The following PPIB variants were observed in gnomAD, a reference collection of about 807,000 sequenced individuals.
PPIB encodes the protein peptidylprolyl isomerase B.
In PPIB, 15 loss-of-function variants were observed where a neutral mutation model predicts 20.1. The ratio of observed to expected loss-of-function variants is 0.75; its 90% confidence interval spans 0.50 to 1.15. The LOEUF is 1.15. Ranked by LOEUF, PPIB falls within the 50% of genes most tolerant of loss-of-function variation. The probability of loss-of-function intolerance (pLI) is 0.00; values close to 1 mark genes in which losing one functional copy is unlikely to be tolerated. For missense variants in PPIB, 278 were observed against 283.0 expected, an observed-to-expected ratio of 0.98 and a Z score of 0.13; for synonymous variants, 129 against 111.0, an observed-to-expected ratio of 1.16 and a Z score of -1.02.
Position 64,162,137 on chromosome 15 carries a change from T to A in PPIB, c.153A>T (p.Arg51=), listed in dbSNP as rs751764020. 3.7e-5 allele frequency: 59 copies of A among 1,613,446 alleles called. No individual in the cohort carries two copies. Among genetic ancestry groups the A allele is most frequent in the Non-Finnish European group, 3.5e-5 (41 of 1,179,508 alleles). The change falls in exon 2 of 5, where the codon CGA becomes CGT. Residue 51 remains arginine (R), a synonymous_variant. Transcript: ENST00000300026. The stretch of plus-strand genomic sequence containing the variant: ...CCCGGCCTACATCTTCATCTCCAAT[T>A]CGTAGGTCAAAATACACCTGAGGAA... ...KVTVKVYFDL[R]IGDEDVGRVI...
rs924183883 is a variant in PPIB at position 64,155,923 on chromosome 15, C to T, written c.*100G>A. On this transcript the variant is annotated 3_prime_UTR_variant, in exon 5 of 5. Coordinates refer to ENST00000300026, the MANE Select transcript of PPIB (RefSeq NM_000942.5). ...GTGGAATGTGAGGGGAGTGGGTCCG[C>T]TCCACCAGATGCCAGCACCGGGGCC... The T allele has an allele frequency of 1.5e-5, 24 of 1,584,808 alleles. No homozygotes were observed. In the Admixed American group the frequency reaches 2.7e-4, roughly 18 times the overall value.
In PPIB at chr15:64,156,072, TC is replaced by T; in HGVS notation, c.601del (p.Asp201ThrfsTer73). 1 of 1,614,228 alleles carries T rather than the reference TC, an allele frequency of 6.2e-7. No homozygotes were observed. The highest frequency in any genetic ancestry group is 8.5e-7 in the Non-Finnish European group (1 of 1,180,040). ...CTTCTCCACCTCGATCTTGCCGCAG[TC>T]TGCGATGATCACATCCTTCAGGGGT... is the stretch of plus-strand genomic sequence containing the variant. ...DKPLKDVIIA[D>X]CGKIEVEKPF... On this transcript the variant is annotated frameshift_variant, in exon 5 of 5. Transcript: ENST00000300026. LOFTEE classifies it high-confidence loss of function. The surrounding 1 kb of genome is among the most constrained non-coding windows in gnomAD (Gnocchi z 6.4).
chr15:64,158,251 G>A lies in PPIB; in HGVS notation c.344-1342C>T, dbSNP rs562235278. 7.9e-5 allele frequency among the ~76,000 whole-genome samples: 12 copies of A among 152,136 alleles called. No individual in the cohort carries two copies. The East Asian group carries it at 1.4e-3, about 17-fold the overall frequency. On this transcript the variant is annotated intron_variant, in intron 3 of 4. Coordinates refer to ENST00000300026, the MANE Select transcript of PPIB (RefSeq NM_000942.5). The surrounding 1 kb of genome is among the most constrained non-coding windows in gnomAD (Gnocchi z 4.7). ...CTTTCTTTCCATTCCCACCACCACC[G>A]CTGCAGTAGGCGAGTGCTTAGGGTG... is the stretch of plus-strand genomic sequence containing the variant.
Position 64,161,947 on chromosome 15 carries a change from TACA to T in PPIB, c.249+91_249+93del. ...AGTCGGTGCTCAGTGAGGTCCACGC[TACA>T]GATCGGCTGAACTCTGCAGGTCAGT... On this transcript the variant is annotated intron_variant, in intron 2 of 4. Coordinates refer to ENST00000300026, the MANE Select transcript of PPIB (RefSeq NM_000942.5). This position sits in a 1 kb window ranked among gnomAD's most constrained non-coding sequence, Gnocchi z 4.2. The T allele has an allele frequency of 2.2e-6, 2 of 905,366 alleles. No homozygotes were observed. Among genetic ancestry groups the T allele is most frequent in the South Asian group, 2.6e-5 (2 of 76,564 alleles). The allele number at this position is 905,366 out of a possible 1,614,324, so 56.1% of individuals were successfully genotyped here.
rs2081531084 is a variant in PPIB at position 64,156,315 on chromosome 15, G to A, written c.529-170C>T. The A allele has an allele frequency of 1.1e-6, 1 of 912,058 alleles. No individual in the cohort carries two copies. Among genetic ancestry groups the A allele is most frequent in the Non-Finnish European group, 1.7e-6 (1 of 581,358 alleles). The allele number at this position is 912,058 out of a possible 1,614,324, so 56.5% of individuals were successfully genotyped here. Reference sequence around the variant, plus strand: ...GACTCCTGGCCAGAGCAGGGAGAATGCAGATTTGACGAGGGGGTACAGGAA... The same window carrying A: ...GACTCCTGGCCAGAGCAGGGAGAATACAGATTTGACGAGGGGGTACAGGAA... On this transcript the variant is annotated intron_variant, in intron 4 of 4. Coordinates refer to ENST00000300026, the MANE Select transcript of PPIB (RefSeq NM_000942.5). This position sits in a 1 kb window ranked among gnomAD's most constrained non-coding sequence, Gnocchi z 6.4.
At position 64,161,905 on chromosome 15, in the gene PPIB, T is replaced by C; in HGVS notation, c.249+136A>G. The C allele has an allele frequency of 1.3e-6, 1 of 771,058 alleles. No individual in the cohort carries two copies. The highest frequency in any genetic ancestry group is 2.4e-6 in the Non-Finnish European group (1 of 421,400). 47.8% of individuals were successfully genotyped at this position (771,058 alleles called of 1,614,324 possible). A position where few individuals can be genotyped will look rare whatever the true frequency, so the allele number is the denominator to read the frequency against. ...ACTCTTAAGAAAGGGCAATACTGTGTTCCCAGGGCAACAGGCAGTCGGTGC... is the reference window on the plus strand; with the variant it reads ...ACTCTTAAGAAAGGGCAATACTGTGCTCCCAGGGCAACAGGCAGTCGGTGC... On this transcript the variant is annotated intron_variant, in intron 2 of 4. Transcript: ENST00000300026. This position sits in a 1 kb window ranked among gnomAD's most constrained non-coding sequence, Gnocchi z 4.2.
In PPIB at chr15:64,157,927, T is replaced by A. The variant is rs1049699653; in HGVS notation, c.344-1018A>T. 2.0e-5 allele frequency among the ~76,000 whole-genome samples: 3 copies of A among 152,094 alleles called. No individual in the cohort carries two copies. The highest frequency in any genetic ancestry group is 6.5e-5 in the Admixed American group (1 of 15,278). ...TGTGCTCCACCTCTCACCCCCACGCTGGGGAGACTGGACTCTGCCACATGT... is the reference window on the plus strand; with the variant it reads ...TGTGCTCCACCTCTCACCCCCACGCAGGGGAGACTGGACTCTGCCACATGT... On this transcript the variant is annotated intron_variant, in intron 3 of 4. Coordinates refer to ENST00000300026, the MANE Select transcript of PPIB (RefSeq NM_000942.5). The surrounding 1 kb of genome is among the most constrained non-coding windows in gnomAD (Gnocchi z 4.2).
chr15:64,162,151 A>G lies in PPIB; in HGVS notation c.139T>C (p.Tyr47His), dbSNP rs373715158. The G allele has an allele frequency of 3.7e-6, 6 of 1,610,098 alleles. No homozygotes were observed. In the Admixed American group the frequency reaches 1.0e-4, roughly 27 times the overall value. The stretch of plus-strand genomic sequence containing the variant: ...TCATCTCCAATTCGTAGGTCAAAAT[A>G]CACCTGAGGAAAGAGACCATTTCCA... ...KKGPKVTVKVYFDLRIGDEDV... is the reference protein window; with the variant it reads ...KKGPKVTVKVHFDLRIGDEDV... Residue 47 changes from tyrosine to histidine, a missense_variant, in exon 2 of 5, where the codon TAT (tyrosine) becomes CAT (histidine). Coordinates refer to ENST00000300026, the MANE Select transcript of PPIB (RefSeq NM_000942.5).
chr15:64,162,365 C>T (rs985550625), intron 1 of PPIB, among the ~76,000 whole-genome samples: 1 of 152,060 alleles, frequency 6.6e-6, no homozygotes, highest in Non-Finnish European at 1.5e-5. Context: ...TTATCTATAC[C>T]CTCCTTGGAC....
chr15:64,162,965 T>C lies in PPIB; in HGVS notation c.22A>G (p.Asn8Asp). 6.2e-7 allele frequency: 1 copy of C among 1,612,948 alleles called. No individual in the cohort carries two copies. Among genetic ancestry groups the C allele is most frequent in the Admixed American group, 1.7e-5 (1 of 59,998 alleles). MLRLSER[N>D]MKVLLAAALI... ...GCGGCGGCAAGGAGCACCTTCATGT[T>C]GCGTTCGGAGAGGCGCAGCATCCAC... The change falls in exon 1 of 5, where the codon AAC (asparagine) becomes GAC (aspartate). Residue 8 changes from asparagine (N) to aspartate (D), a missense_variant. By Grantham distance (23) the Asn-to-Asp change is conservative. Coordinates refer to ENST00000300026, the MANE Select transcript of PPIB (RefSeq NM_000942.5).
chr15:64,161,594 G>A lies in PPIB; in HGVS notation c.249+447C>T, dbSNP rs1233556648. Among the ~76,000 whole-genome samples the A allele has an allele frequency of 6.6e-6, 1 of 151,928 alleles. No homozygotes were observed. Among genetic ancestry groups the A allele is most frequent in the Non-Finnish European group, 1.5e-5 (1 of 67,988 alleles). On this transcript the variant is annotated intron_variant, in intron 2 of 4. Transcript: ENST00000300026. This position sits in a 1 kb window ranked among gnomAD's most constrained non-coding sequence, Gnocchi z 4.2. Reference sequence around the variant, plus strand: ...TACAAAATTAGCCAAGCGTGGTGGCGCATGCCTGTAATCCCAGCTACTCAG... The same window carrying A: ...TACAAAATTAGCCAAGCGTGGTGGCACATGCCTGTAATCCCAGCTACTCAG...
At chr15:64,162,179 T>G (rs1192630952) in intron 1 of PPIB, 25 bp from the exon 2 acceptor site, 1 of 1,560,748 alleles carries the variant, frequency 6.4e-7, no homozygotes, top group Non-Finnish European at 8.8e-7. Context: ...CATTTCCAAC[T>G]TAGCTTCTTT....
In PPIB at chr15:64,156,106, G is replaced by A. The variant is rs776320521; in HGVS notation, c.568C>T (p.Arg190Trp). The A allele has an allele frequency of 7.4e-6, 12 of 1,614,062 alleles. No homozygotes were observed. Among genetic ancestry groups the A allele is most frequent in the East Asian group, 2.2e-5 (1 of 44,898 alleles). ...ATCACATCCTTCAGGGGTTTATCCC[G>A]GCTGTCTGTCTTGGTGCTCTCCACC... The part of the protein sequence containing the change: ...RKVESTKTDS[R>W]DKPLKDVIIA... The change falls in exon 5 of 5, where the codon CGG (arginine) becomes TGG (tryptophan). Residue 190 changes from arginine to tryptophan, a missense_variant. Physicochemically the swap from Arg to Trp is moderately radical, Grantham distance 101 (BLOSUM62 -3). Coordinates refer to ENST00000300026, the MANE Select transcript of PPIB (RefSeq NM_000942.5). This position sits in a 1 kb window ranked among gnomAD's most constrained non-coding sequence, Gnocchi z 6.4.
Position 64,155,880 on chromosome 15 carries a change from A to C in PPIB, c.*143T>G. On this transcript the variant is annotated 3_prime_UTR_variant, in exon 5 of 5. Coordinates refer to ENST00000300026, the MANE Select transcript of PPIB (RefSeq NM_000942.5). ...CAGTGTTGGTAGGAGTTTGTTACAA[A>C]AGTGAGTCCATGGGCCTGTGGAATG... The C allele has an allele frequency of 7.8e-7, 1 of 1,289,892 alleles. No homozygotes were observed. Among genetic ancestry groups the C allele is most frequent in the Non-Finnish European group, 1.1e-6 (1 of 900,902 alleles). The allele number at this position is 1,289,892 out of a possible 1,614,324, so 79.9% of individuals were successfully genotyped here.
At position 64,158,767 on chromosome 15, in the gene PPIB, G is replaced by A. The variant is rs559493766; in HGVS notation, c.343+1337C>T. ...CCCTAACCCTGCCTCTTTTCTGCCCGTTCAAATTCTCCTCATTGAGGACCC... is the reference window on the plus strand; with the variant it reads ...CCCTAACCCTGCCTCTTTTCTGCCCATTCAAATTCTCCTCATTGAGGACCC... On this transcript the variant is annotated intron_variant, in intron 3 of 4. Coordinates refer to ENST00000300026, the MANE Select transcript of PPIB (RefSeq NM_000942.5). The surrounding 1 kb of genome is among the most constrained non-coding windows in gnomAD (Gnocchi z 4.7). Among the ~76,000 whole-genome samples the A allele has an allele frequency of 7.9e-5, 12 of 152,308 alleles. No individual in the cohort carries two copies. In the East Asian group the frequency reaches 9.6e-4, roughly 12 times the overall value.
chr15:64,156,869 G>C lies in PPIB; in HGVS notation c.384C>G (p.Phe128Leu). ...IYGERFPDEN[F>L]KLKHYGPGWV... ...AGCCAGGCCCGTAGTGCTTCAGTTT[G>C]AAGTTCTCATCGGGGAAGCGCTCAC... The change falls in exon 4 of 5, where the codon TTC becomes TTG. Residue 128 changes from phenylalanine to leucine, a missense_variant. Transcript: ENST00000300026. This position sits in a 1 kb window ranked among gnomAD's most constrained non-coding sequence, Gnocchi z 6.4. The C allele has an allele frequency of 6.2e-7, 1 of 1,614,228 alleles. No homozygotes were observed. Among genetic ancestry groups the C allele is most frequent in the Non-Finnish European group, 8.5e-7 (1 of 1,180,030 alleles).
Position 64,155,911 on chromosome 15 carries a change from G to C in PPIB, c.*112C>G. On this transcript the variant is annotated 3_prime_UTR_variant, in exon 5 of 5. Transcript: ENST00000300026. ...GTCCATGGGCCTGTGGAATGTGAGG[G>C]GAGTGGGTCCGCTCCACCAGATGCC... 1 of 1,519,196 alleles carries C rather than the reference G, an allele frequency of 6.6e-7. No homozygotes were observed. The highest frequency in any genetic ancestry group is 9.1e-7 in the Non-Finnish European group (1 of 1,101,748). 94.1% of individuals were successfully genotyped at this position (1,519,196 alleles called of 1,614,324 possible).
Position 64,156,113 on chromosome 15 carries a change from T to C in PPIB, c.561A>G (p.Thr187=). 1 of 1,614,204 alleles carries C rather than the reference T, an allele frequency of 6.2e-7. No homozygotes were observed. Among genetic ancestry groups the C allele is most frequent in the Middle Eastern group, 1.6e-4 (1 of 6,062 alleles). The part of the protein sequence containing the change: ...EVVRKVESTK[T]DSRDKPLKDV... ...CCTTCAGGGGTTTATCCCGGCTGTC[T>C]GTCTTGGTGCTCTCCACCTTCCGCA... Residue 187 remains threonine (T), a synonymous_variant, in exon 5 of 5, where the codon ACA becomes ACG. Transcript: ENST00000300026. This position sits in a 1 kb window ranked among gnomAD's most constrained non-coding sequence, Gnocchi z 6.4.
In PPIB at chr15:64,156,978, G is replaced by GA. The variant is rs1259880178; in HGVS notation, c.344-70dup. On this transcript the variant is annotated intron_variant, in intron 3 of 4. Coordinates refer to ENST00000300026, the MANE Select transcript of PPIB (RefSeq NM_000942.5). The surrounding 1 kb of genome is among the most constrained non-coding windows in gnomAD (Gnocchi z 6.4). ...AAACCAAGCAGACATTCGGGGCCAG[G>GA]ACTGAGGGGGCTTAACCTGTCCTCT... 9.9e-6 allele frequency: 15 copies of GA among 1,513,178 alleles called. No homozygotes were observed. Among genetic ancestry groups the GA allele is most frequent in the Non-Finnish European group, 1.3e-5 (14 of 1,097,164 alleles). The allele number at this position is 1,513,178 out of a possible 1,614,324, so 93.7% of individuals were successfully genotyped here. A position where few individuals can be genotyped will look rare whatever the true frequency, so the allele number is the denominator to read the frequency against.
Sources: allele counts gnomAD v4.1 joint callset (sites outside exome capture counted in the v4.1 genomes callset), GRCh38; gene constraint gnomAD v4.1.1; non-coding constraint Gnocchi (gnomAD v3.1); transcripts MANE v1.5; gene names NCBI Gene and HGNC (gene_info 2026-07-23, HGNC 2026-07-21).